Variants in NR5A2 observed in about 807,000 individuals in gnomAD.
The protein encoded by NR5A2 is nuclear receptor subfamily 5 group A member 2.
Under a neutral mutation model 62.7 loss-of-function variants are expected in NR5A2, and 26 were observed. That is an observed-to-expected ratio of 0.41 (90% CI 0.30 to 0.58). The LOEUF (loss-of-function observed/expected upper bound fraction) is 0.58, where lower values mean the gene tolerates loss of function less well. NR5A2 is among the 20% of genes least tolerant of loss of function. The pLI, the probability that NR5A2 is intolerant of heterozygous loss-of-function variation, is 0.22. For missense variants in NR5A2, 541 were observed against 669.1 expected (o/e 0.81, Z 2.11); for synonymous variants, 246 against 241.7 (o/e 1.02, Z -0.16).
At chr1:200,112,709 T>C (rs1490732371) in intron 6 of NR5A2, among the ~76,000 whole-genome samples, 1 of 152,222 alleles carries the variant, frequency 6.6e-6, no homozygotes. Context: ...AAAGTCTCAA[T>C]GGGTTTGACT....
intron 5 of NR5A2, among the ~76,000 whole-genome samples, chr1:200,095,237 C>T (rs1270909663): frequency 6.6e-6 from 1 of 152,096 alleles, no homozygotes; most frequent in Non-Finnish European, 1.5e-5. Context: ...CCACATCAGC[C>T]TCCTGAGTAG....
intron 7 of NR5A2, among the ~76,000 whole-genome samples, chr1:200,137,419 G>A (rs1489108762): frequency 6.6e-6 from 1 of 151,376 alleles, no homozygotes; most frequent in African/African-American, 2.4e-5. Flanking sequence ...GCCCACCTTG[G>A]CCTCCCAAAG....
At chr1:200,116,088 A>G (rs771059790) in intron 6 of NR5A2, among the ~76,000 whole-genome samples, 1 of 152,164 alleles carries the variant, frequency 6.6e-6, no homozygotes, top group Non-Finnish European at 1.5e-5. Context: ...TATACTGAGT[A>G]TTTTGAGATT....
chr1:200,095,849 G>T (rs1298596596), intron 5 of NR5A2, among the ~76,000 whole-genome samples: 4 of 152,020 alleles, frequency 2.6e-5, no homozygotes, highest in Non-Finnish European at 5.9e-5. Flanking sequence ...CCCGCGCCCG[G>T]CCAGCAAGTA....
intron 5 of NR5A2, among the ~76,000 whole-genome samples, chr1:200,106,767 AAAC>A (rs1166337138): frequency 6.6e-6 from 1 of 152,172 alleles, no homozygotes; most frequent in African/African-American, 2.4e-5. Context: ...TTTTCTTAAA[AAAC>A]AAAAAATCTT....
At chr1:200,161,081 G>A (rs900673539) in intron 7 of NR5A2, among the ~76,000 whole-genome samples, 20 of 152,048 alleles carry the variant, frequency 1.3e-4, no homozygotes, top group African/African-American at 4.8e-4. Context: ...TCTTTAGCAG[G>A]ATAAGGACTA....
At chr1:200,149,856 C>G (rs1652977671) in intron 7 of NR5A2, among the ~76,000 whole-genome samples, 1 of 152,148 alleles carries the variant, frequency 6.6e-6, no homozygotes, top group Non-Finnish European at 1.5e-5. Flanking sequence ...ATATGAACTA[C>G]TATTCATCAT....
intron 6 of NR5A2, among the ~76,000 whole-genome samples, chr1:200,119,847 G>T (rs1309424238): frequency 6.6e-6 from 1 of 151,708 alleles, no homozygotes; most frequent in Admixed American, 6.6e-5. Flanking sequence ...GGCCTCAAGC[G>T]ATCCGCCCAC....
chr1:200,167,362 C>T (rs1325612513), intron 7 of NR5A2, among the ~76,000 whole-genome samples: 8 of 152,156 alleles, frequency 5.3e-5, no homozygotes, highest in Non-Finnish European at 1.5e-5. Context: ...TTCTCTCTGT[C>T]TCTCCTATTT....
intron 2 of NR5A2, among the ~76,000 whole-genome samples, chr1:200,042,068 C>T (rs1056481415): frequency 6.6e-6 from 1 of 152,208 alleles, no homozygotes; most frequent in African/African-American, 2.4e-5. Context: ...TCGGCCCTTC[C>T]CAAACCCCCA....
chr1:200,124,223 C>T (rs2737685), intron 7 of NR5A2, among the ~76,000 whole-genome samples: 135,151 of 152,208 alleles, frequency 0.89, 60,030 homozygotes, highest in East Asian at 0.97. Flanking sequence ...GTGTTTGGGG[C>T]TTCTGGATGT....
intron 7 of NR5A2, among the ~76,000 whole-genome samples, chr1:200,160,060 G>A (rs1653574213): frequency 6.6e-6 from 1 of 152,136 alleles, no homozygotes; most frequent in African/African-American, 2.4e-5. Flanking sequence ...TGCGTGAGCT[G>A]GTATCGCTTG....
chr1:200,071,396 T>C (rs1419290320), intron 5 of NR5A2, among the ~76,000 whole-genome samples: 2 of 152,168 alleles, frequency 1.3e-5, no homozygotes, highest in Non-Finnish European at 2.9e-5. Context: ...TAAGAGGTGT[T>C]TATGTAGCAT....
At chr1:200,101,128 T>C (rs1665345110) in intron 5 of NR5A2, among the ~76,000 whole-genome samples, 1 of 152,234 alleles carries the variant, frequency 6.6e-6, no homozygotes, top group South Asian at 2.1e-4. Flanking sequence ...AGATATTTAC[T>C]GTTGAATTAT....
At chr1:200,102,281 G>T (rs1665410203) in intron 5 of NR5A2, among the ~76,000 whole-genome samples, 1 of 152,172 alleles carries the variant, frequency 6.6e-6, no homozygotes. Flanking sequence ...TTAAACAGAG[G>T]ATTTGATAAG....
chr1:200,107,874 G>A (rs1183301376), intron 5 of NR5A2, among the ~76,000 whole-genome samples: 17 of 151,800 alleles, frequency 1.1e-4, no homozygotes, highest in Non-Finnish European at 1.0e-4. Context: ...CAAGGGATCC[G>A]CCAGCCTCGG....
intron 7 of NR5A2, among the ~76,000 whole-genome samples, chr1:200,140,573 T>TAATA (rs1240024093): frequency 6.6e-6 from 1 of 152,246 alleles, no homozygotes; most frequent in African/African-American, 2.4e-5. Flanking sequence ...GTCTATATTT[T>TAATA]ATTTGGCTTT....
At chr1:200,042,729 C>T in intron 2 of NR5A2, 2 of 889,488 alleles carry the variant, frequency 2.2e-6, no homozygotes, top group Non-Finnish European at 2.7e-6. Flanking sequence ...CACCCGCGCC[C>T]CGCGCTCCCA....
intron 7 of NR5A2, among the ~76,000 whole-genome samples, chr1:200,164,166 C>CT (rs1244935602): frequency 9.9e-5 from 15 of 152,178 alleles, no homozygotes; most frequent in African/African-American, 2.9e-4. Context: ...CTTCTTGAGA[C>CT]CTCCCCAGAA....
Sources: gnomAD v4.1 joint callset for allele counts (sites outside exome capture counted in the v4.1 genomes callset) on GRCh38, gnomAD v4.1.1 for gene constraint, MANE v1.5 for transcripts, NCBI Gene and HGNC (gene_info 2026-07-23, HGNC 2026-07-21) for gene names.